INVS: variants seen among roughly 807,000 people sequenced by gnomAD.
INVS encodes inversion of embryo turning homolog.
In INVS, 86 loss-of-function variants were observed where a neutral mutation model predicts 108.8. The ratio of observed to expected loss-of-function variants is 0.79; its 90% CI spans 0.66 to 0.95. The LOEUF is 0.95. INVS is among the 40% of genes least tolerant of loss of function. The probability of loss-of-function intolerance (pLI) is 0.00; values close to 1 mark genes in which losing one functional copy is unlikely to be tolerated. For missense variants in INVS, 1,169 were observed against 1,297.4 expected, an observed-to-expected ratio of 0.90 and a Z score of 1.52; for synonymous variants, 455 against 473.5, an observed-to-expected ratio of 0.96 and a Z score of 0.51.
intron 12 of INVS, among the ~76,000 whole-genome samples, chr9:100,281,619 C>G (rs1473912272): frequency 1.3e-5 from 2 of 152,068 alleles, no homozygotes; most frequent in African/African-American, 4.8e-5. Flanking sequence ...ATGCAAAATG[C>G]ATCAATTTAA....
chr9:100,242,581 A>T lies in INVS; in HGVS notation c.808A>T (p.Ile270Phe). The T allele has an allele frequency of 6.3e-7, 1 of 1,592,210 alleles. No individual in the cohort carries two copies. The highest frequency in any genetic ancestry group is 8.6e-7 in the Non-Finnish European group (1 of 1,160,236). The change falls in exon 7 of 17, where the codon ATT becomes TTT. Residue 270 changes from isoleucine to phenylalanine, a missense_variant. Ile to Phe is a conservative substitution (Grantham distance 21). This residue lies in a region of INVS where 365 missense variants were observed against 397.5 expected (regional missense o/e 0.92). Transcript: ENST00000262457. ...GTGTCTTTTCTCAGGCCATGCACAG[A>T]TTGTCCATCTCCTTTTAGAAAGAAA... ...HWAALLGHAQ[I>F]VHLLLERNKS...
chr9:100,189,074 C>T (rs1032815663), intron 3 of INVS, among the ~76,000 whole-genome samples: 1 of 130,594 alleles, frequency 7.7e-6, no homozygotes, highest in Non-Finnish European at 1.6e-5. Context: ...AGTGTCTCCA[C>T]GTTCATTTCT....
At chr9:100,107,278 A>G (rs1293449661) in intron 2 of INVS, among the ~76,000 whole-genome samples, 2 of 152,164 alleles carry the variant, frequency 1.3e-5, no homozygotes, top group Non-Finnish European at 2.9e-5. Flanking sequence ...TAATCATTAC[A>G]TTGTGGTTTT....
intron 8 of INVS, among the ~76,000 whole-genome samples, chr9:100,247,113 T>C (rs1832070718): frequency 1.3e-5 from 2 of 152,166 alleles, no homozygotes; most frequent in South Asian, 4.1e-4. Context: ...ACTTTAAAAC[T>C]ATCCATATTT....
intron 2 of INVS, among the ~76,000 whole-genome samples, chr9:100,114,985 C>A (rs1827464569): frequency 6.6e-6 from 1 of 152,084 alleles, no homozygotes. Context: ...AATTATTAGG[C>A]CATAATTATT....
chr9:100,186,228 C>T (rs1336301022), intron 3 of INVS, among the ~76,000 whole-genome samples: 2 of 152,082 alleles, frequency 1.3e-5, no homozygotes, highest in East Asian at 3.8e-4. Context: ...CAGCTCACTG[C>T]ATCCTTCACC....
intron 3 of INVS, among the ~76,000 whole-genome samples, chr9:100,223,724 C>T (rs1478376368): frequency 6.6e-6 from 1 of 152,188 alleles, no homozygotes; most frequent in African/African-American, 2.4e-5. Context: ...AGGAAATATC[C>T]AGCAGAGTCC....
intron 3 of INVS, among the ~76,000 whole-genome samples, chr9:100,169,472 G>A (rs959906429): frequency 2.6e-5 from 4 of 152,072 alleles, no homozygotes; most frequent in African/African-American, 7.2e-5. Context: ...CCAAGTAAAT[G>A]ACTTTAAATT....
chr9:100,256,750 T>A (rs1832433907), intron 10 of INVS, among the ~76,000 whole-genome samples: 1 of 152,206 alleles, frequency 6.6e-6, no homozygotes, highest in African/African-American at 2.4e-5. Flanking sequence ...TAATCCTGAG[T>A]TCTAATTTGA....
intron 5 of INVS, among the ~76,000 whole-genome samples, chr9:100,233,078 G>A (rs976031368): frequency 1.3e-5 from 2 of 152,048 alleles, no homozygotes; most frequent in Non-Finnish European, 2.9e-5. Context: ...ATGTGAAGAA[G>A]TCCTTCACAT....
chr9:100,301,108 T>C lies in INVS; in HGVS notation c.*434T>C. ...TGTCCCATAGCAGCCTTCCTCTCAC[T>C]ACTTTCCTGGCATCTAATGCAACAA... is the stretch of plus-strand genomic sequence containing the variant. On this transcript the variant is annotated 3_prime_UTR_variant, in exon 17 of 17. Coordinates refer to ENST00000262457, the MANE Select transcript of INVS (RefSeq NM_014425.5). The C allele has an allele frequency of 4.4e-6, 1 of 229,466 alleles. No homozygotes were observed. Among genetic ancestry groups the C allele is most frequent in the Non-Finnish European group, 8.6e-6 (1 of 116,184 alleles). The allele number at this position is 229,466 out of a possible 1,614,324, so 14.2% of individuals were successfully genotyped here. A position where few individuals can be genotyped will look rare whatever the true frequency, so the allele number is the denominator to read the frequency against.
chr9:100,297,292 C>A lies in INVS; in HGVS notation c.3016+146C>A, dbSNP rs564367607. 6.8e-6 allele frequency: 5 copies of A among 737,758 alleles called. No individual in the cohort carries two copies. The East Asian group carries it at 1.4e-4, about 20-fold the overall frequency. 45.7% of individuals were successfully genotyped at this position (737,758 alleles called of 1,614,324 possible). A position where few individuals can be genotyped will look rare whatever the true frequency, so the allele number is the denominator to read the frequency against. The stretch of plus-strand genomic sequence containing the variant: ...AATTAATTGTATTATTAAAAATGGT[C>A]AAAACTGCAATTAATTTTGCACCAA... On this transcript the variant is annotated intron_variant, in intron 15 of 16. Coordinates refer to ENST00000262457, the MANE Select transcript of INVS (RefSeq NM_014425.5).
intron 3 of INVS, among the ~76,000 whole-genome samples, chr9:100,198,002 A>G (rs1052643968): frequency 1.6e-4 from 25 of 152,184 alleles, no homozygotes; most frequent in African/African-American, 5.1e-4. Flanking sequence ...AAAAGACTGT[A>G]ACTAGGTCTG....
In INVS at chr9:100,213,380, T is replaced by C. The variant is rs77484814; in HGVS notation, c.274-12682T>C. The stretch of plus-strand genomic sequence containing the variant: ...GTGCATTTCTTTTCTTTTTTCTTTT[T>C]TTTTAATTAGAGAAAGGGTCTCACT... On this transcript the variant is annotated intron_variant, in intron 3 of 16. Transcript: ENST00000262457. Among the ~76,000 whole-genome samples the C allele has an allele frequency of 3.4e-3, 516 of 152,270 alleles. 1 individual carries two copies. Among genetic ancestry groups the C allele is most frequent in the African/African-American group, 0.012 (488 of 41,550 alleles).
chr9:100,288,789 T>C (rs756933075), intron 13 of INVS, among the ~76,000 whole-genome samples: 67 of 152,028 alleles, frequency 4.4e-4, no homozygotes, highest in Non-Finnish European at 6.2e-4. Flanking sequence ...CCTGGCTAAT[T>C]TTTTGCATTT....
At chr9:100,181,146 C>A (rs1829876137) in intron 3 of INVS, among the ~76,000 whole-genome samples, 1 of 152,094 alleles carries the variant, frequency 6.6e-6, no homozygotes, top group Admixed American at 6.6e-5. Context: ...ATAAGACCTA[C>A]TTATGACAAA....
chr9:100,284,633 C>T (rs935933921), intron 13 of INVS, 30 bp downstream of exon 13: 35 of 1,607,146 alleles, frequency 2.2e-5, no homozygotes, highest in African/African-American at 8.0e-5. Context: ...CATCTTCTGC[C>T]GGCCCATGGA....
chr9:100,166,530 A>T (rs1043327905), intron 3 of INVS, among the ~76,000 whole-genome samples: 1 of 152,160 alleles, frequency 6.6e-6, no homozygotes, highest in African/African-American at 2.4e-5. Flanking sequence ...TTAAGAAAAA[A>T]AAGAAGCCAC....
chr9:100,143,495 G>T (rs996303440), intron 3 of INVS, among the ~76,000 whole-genome samples: 1 of 152,026 alleles, frequency 6.6e-6, no homozygotes, highest in South Asian at 2.1e-4. Context: ...AGGGGTGCAG[G>T]ATCGGTCACT....
Sources: gnomAD v4.1 joint callset for allele counts (sites outside exome capture counted in the v4.1 genomes callset) on GRCh38, gnomAD v4.1.1 for gene constraint, gnomAD v4.1.1 regional missense constraint, MANE v1.5 for transcripts, NCBI Gene and HGNC (gene_info 2026-07-23, HGNC 2026-07-21) for gene names.